The following EMG1 variants were observed in gnomAD, a reference collection of about 807,000 sequenced individuals.
EMG1 encodes the protein EMG1 N1-specific pseudouridine methyltransferase, also known as ribosomal RNA small subunit methyltransferase NEP1.
EMG1 carries 24 observed loss-of-function variants against 26.9 expected under a neutral mutation model. The observed-to-expected ratio is 0.89, with a 90% CI of 0.65 to 1.26. EMG1 has a LOEUF of 1.26. EMG1 is among the 50% of genes most tolerant of loss of function. The pLI is 0.00. For missense variants in EMG1, 299 were observed against 307.6 expected (o/e 0.97, Z 0.21); for synonymous variants, 140 against 112.6 (o/e 1.24, Z -1.54).
chr12:6,985,074 T>C (rs1375100708), intron 6 of EMG1, among the ~76,000 whole-genome samples: 2 of 139,676 alleles, frequency 1.4e-5, no homozygotes, highest in Non-Finnish European at 3.0e-5. Context: ...TTCTAGTCAT[T>C]TTTCCCCCAT....
At chr12:6,974,944 C>CTT (rs1223730772) in intron 3 of EMG1, 146 bp from the exon 4 acceptor site, 2 of 902,190 alleles carry the variant, frequency 2.2e-6, no homozygotes, top group African/African-American at 3.3e-5. Context: ...TGCTTGGCAA[C>CTT]TGTTTGTTCC....
intron 7 of EMG1, among the ~76,000 whole-genome samples, chr12:6,996,294 T>C (rs1946635471): frequency 6.6e-6 from 1 of 152,212 alleles, no homozygotes; most frequent in African/African-American, 2.4e-5. Flanking sequence ...CTCAGGTCCT[T>C]TGTAAAATGT....
rs11462026 is a variant in EMG1, at chr12:6,973,004, ATT to A, written c.169-1319_169-1318del. On this transcript the variant is annotated intron_variant, in intron 1 of 5. Transcript: ENST00000599672. ...CAGCAAATGGCACTGCGCCTGGCTA[ATT>A]TTTTTTTTTTTTTTTGTGAGACAGG... Among the ~76,000 whole-genome samples, 27 of 137,540 alleles carry A rather than the reference ATT, an allele frequency of 2.0e-4. 1 individual carries two copies. The highest frequency in any genetic ancestry group is 1.7e-4 in the Non-Finnish European group (11 of 63,752). The allele number at this position is 137,540 out of a possible 152,430, so 90.2% of individuals were successfully genotyped here.
chr12:6,981,721 CG>C, downstream of EMG1: 2 of 146,918 alleles, frequency 1.4e-5, no homozygotes, highest in Non-Finnish European at 2.8e-5. Flanking sequence ...AAGTGTATGG[CG>C]GGGGGCGGAG....
At chr12:6,981,422 TG>T, downstream of EMG1, 1 of 757,784 alleles carries the variant, frequency 1.3e-6, no homozygotes, top group Non-Finnish European at 2.2e-6. Flanking sequence ...AGCTGGATCC[TG>T]GGCAAATTAG....
At chr12:6,990,215 TAAAA>T (rs1160111302), downstream of EMG1, among the ~76,000 whole-genome samples, 20 of 147,072 alleles carry the variant, frequency 1.4e-4, no homozygotes, top group African/African-American at 4.6e-4. Flanking sequence ...TAAATAAAAA[TAAAA>T]AAAATATAAG....
chr12:6,995,495 T>G (rs1357354574), intron 7 of EMG1, among the ~76,000 whole-genome samples: 1 of 151,860 alleles, frequency 6.6e-6, no homozygotes, highest in Non-Finnish European at 1.5e-5. Context: ...AAAAGTGTTT[T>G]CCTTCTTCAT....
downstream of EMG1, among the ~76,000 whole-genome samples, chr12:6,989,371 G>A (rs781965065): frequency 9.5e-5 from 14 of 147,858 alleles, no homozygotes; most frequent in South Asian, 1.9e-3. Context: ...GTGCAGTGGT[G>A]CAATCTCGGC....
At chr12:6,980,876 A>C (rs1315568317), downstream of EMG1, 61 of 867,290 alleles carry the variant, frequency 7.0e-5, no homozygotes, top group Non-Finnish European at 1.0e-4. Context: ...TGCCTGTTAC[A>C]ACAGTCCAGG....
chr12:6,981,987 C>A, downstream of EMG1: 1 of 776,500 alleles, frequency 1.3e-6, no homozygotes, highest in Non-Finnish European at 2.3e-6. Flanking sequence ...TTTCCTTTTT[C>A]CTTTCTCCTC....
At position 6,978,784 on chromosome 12, in the gene EMG1, A is replaced by G; in HGVS notation, c.*2975A>G. The G allele has an allele frequency of 1.3e-6, 2 of 1,539,486 alleles. No homozygotes were observed. Among genetic ancestry groups the G allele is most frequent in the South Asian group, 1.3e-5 (1 of 79,670 alleles). On this transcript the variant is annotated 3_prime_UTR_variant, in exon 6 of 6. Transcript: ENST00000599672. ...TTTCACACTTGTGGCTGGCTACTTC[A>G]TACCTGCCTGAGTCCTGCTGCCAGA...
downstream of EMG1, among the ~76,000 whole-genome samples, chr12:6,990,526 AAAATAAAT>A (rs59048377): frequency 0.013 from 1,823 of 144,482 alleles, 37 homozygotes; most frequent in African/African-American, 0.04. Flanking sequence ...AAATTAAAAT[AAAATAAAT>A]AAATAAATAA....
Position 6,978,715 on chromosome 12 carries a change from T to C in EMG1, c.*2906T>C. 1 of 1,613,046 alleles carries C rather than the reference T, an allele frequency of 6.2e-7. No individual in the cohort carries two copies. The highest frequency in any genetic ancestry group is 1.1e-5 in the South Asian group (1 of 90,878). ...CTTGAGGGAAGAAAGCACAGTGCATTAGGGATATCACATGACTAGGCAGTT... is the reference window on the plus strand; with the variant it reads ...CTTGAGGGAAGAAAGCACAGTGCATCAGGGATATCACATGACTAGGCAGTT... On this transcript the variant is annotated 3_prime_UTR_variant, in exon 6 of 6. Coordinates refer to ENST00000599672, the MANE Select transcript of EMG1 (RefSeq NM_006331.8).
downstream of EMG1, among the ~76,000 whole-genome samples, chr12:6,992,337 C>A (rs1231209876): frequency 4.5e-4 from 68 of 150,104 alleles, no homozygotes; most frequent in African/African-American, 1.5e-3. Flanking sequence ...AAAAAAAAAA[C>A]AAAAAAAATT....
downstream of EMG1, among the ~76,000 whole-genome samples, chr12:6,988,593 T>C (rs2138340070): frequency 6.6e-6 from 1 of 152,252 alleles, no homozygotes; most frequent in East Asian, 1.9e-4. Context: ...CTGAAGAATC[T>C]ATAAAAAATG....
chr12:6,987,644 A>G lies in EMG1; in HGVS notation c.*155-138A>G, dbSNP rs1201816858. The G allele has an allele frequency of 2.5e-6, 1 of 394,316 alleles. No individual in the cohort carries two copies. Among genetic ancestry groups the G allele is most frequent in the Non-Finnish European group, 4.5e-6 (1 of 224,096 alleles). 24.4% of individuals were successfully genotyped at this position (394,316 alleles called of 1,614,324 possible). On this transcript the variant is annotated intron_variant and NMD_transcript_variant, in intron 6 of 7. Coordinates refer to the EMG1 transcript ENST00000261406. This position sits in a 1 kb window ranked among gnomAD's most constrained non-coding sequence, Gnocchi z 4.1. ...AAAACAGTAGATAATTATCTAGAGC[A>G]CTCATAAATAAGTTCTAGGTAGCTA...
Position 6,978,249 on chromosome 12 carries a change from G to C in EMG1, c.*2440G>C. On this transcript the variant is annotated 3_prime_UTR_variant, in exon 6 of 6. Coordinates refer to ENST00000599672, the MANE Select transcript of EMG1 (RefSeq NM_006331.8). ...GGGGTTCTGCCCAGATGGGAAAGAC[G>C]CATAGGGGTGACATGGTACACCCCT... 1.4e-6 allele frequency: 2 copies of C among 1,429,478 alleles called. No individual in the cohort carries two copies. Among genetic ancestry groups the C allele is most frequent in the Non-Finnish European group, 1.9e-6 (2 of 1,052,484 alleles). The allele number at this position is 1,429,478 out of a possible 1,614,324, so 88.5% of individuals were successfully genotyped here.
rs2138322875 is a variant in EMG1 at position 6,975,391 on chromosome 12, C to G, written c.621+13C>G. The G allele has an allele frequency of 6.3e-7, 1 of 1,579,516 alleles. No homozygotes were observed. Among genetic ancestry groups the G allele is most frequent in the East Asian group, 2.3e-5 (1 of 44,022 alleles). On this transcript the variant is annotated intron_variant, in intron 5 of 5. Transcript: ENST00000599672. ...TGCCCATGGCAAGGTAAGGTCTGGG[C>G]TCAACCCTGAAATTCTTGGTAGAGC... is the stretch of plus-strand genomic sequence containing the variant.
Position 6,970,969 on chromosome 12 carries a change from G to A in EMG1, c.46G>A (p.Gly16Arg). 2 of 1,612,922 alleles carry A rather than the reference G, an allele frequency of 1.2e-6. No individual in the cohort carries two copies. The highest frequency in any genetic ancestry group is 1.7e-6 in the Non-Finnish European group (2 of 1,179,406). The part of the protein sequence containing the change: ...DGFKPRERSG[G>R]EQAQDWDALP... ...ATTCAAGCCTCGTGAACGAAGCGGT[G>A]GGGAGCAGGCACAGGACTGGGATGC... is the stretch of plus-strand genomic sequence containing the variant. The change falls in exon 1 of 6, where the codon GGG becomes AGG. Residue 16 changes from glycine to arginine, a missense_variant. Gly to Arg is a moderately radical substitution (Grantham distance 125). Coordinates refer to ENST00000599672, the MANE Select transcript of EMG1 (RefSeq NM_006331.8).
Sources: allele counts gnomAD v4.1 joint callset (sites outside exome capture counted in the v4.1 genomes callset), GRCh38; gene constraint gnomAD v4.1.1; non-coding constraint Gnocchi (gnomAD v3.1); transcripts MANE v1.5; gene names NCBI Gene and HGNC (gene_info 2026-07-23, HGNC 2026-07-21).